ATG13: variants seen among roughly 807,000 people sequenced by gnomAD.
ATG13 encodes autophagy-related protein 13.
A neutral mutation model predicts 65.5 loss-of-function variants in ATG13; 23 were observed. The observed-to-expected ratio is 0.35, with a 90% CI of 0.25 to 0.50. The LOEUF (loss-of-function observed/expected upper bound fraction) is 0.50. Among genes scored for constraint, ATG13 ranks in the 20% least tolerant of loss-of-function variants. The pLI is 0.98. For missense variants in ATG13, 566 were observed against 677.0 expected (o/e 0.84, Z 1.82); for synonymous variants, 252 against 245.2 (o/e 1.03, Z -0.26).
chr11:46,662,563 T>C (rs1419713972), intron 11 of ATG13, among the ~76,000 whole-genome samples: 3 of 152,318 alleles, frequency 2.0e-5, no homozygotes, highest in African/African-American at 7.2e-5. Context: ...ACCAAATTCT[T>C]ATCAACAGTC....
intron 1 of ATG13, among the ~76,000 whole-genome samples, chr11:46,620,750 G>A (rs1358977625): frequency 6.6e-6 from 1 of 151,980 alleles, no homozygotes; most frequent in Non-Finnish European, 1.5e-5. Context: ...ATTCCAGCCT[G>A]GGCAACAAGA....
At chr11:46,628,082 CAAA>C (rs561371295) in intron 1 of ATG13, among the ~76,000 whole-genome samples, 10 of 52,342 alleles carry the variant, frequency 1.9e-4, no homozygotes, top group Admixed American at 4.4e-4. Flanking sequence ...GACCTTGTCT[CAAA>C]AAAAAAAAAA....
intron 10 of ATG13, among the ~76,000 whole-genome samples, chr11:46,658,945 T>C (rs1359985217): frequency 6.6e-6 from 1 of 152,218 alleles, no homozygotes; most frequent in East Asian, 1.9e-4. Flanking sequence ...ATCCTAGCAC[T>C]TTGGGAGGCT....
chr11:46,654,015 A>G (rs1226633221), intron 7 of ATG13, among the ~76,000 whole-genome samples: 1 of 151,732 alleles, frequency 6.6e-6, no homozygotes, highest in East Asian at 1.9e-4. Context: ...TGGCCTGTCC[A>G]GGGAGAATCA....
At chr11:46,624,347 A>G (rs1244534349) in intron 1 of ATG13, among the ~76,000 whole-genome samples, 1 of 152,230 alleles carries the variant, frequency 6.6e-6, no homozygotes, top group African/African-American at 2.4e-5. Flanking sequence ...TACCTAGTAT[A>G]CAGTTGGGTT....
chr11:46,634,026 G>A (rs1211644757), intron 2 of ATG13, among the ~76,000 whole-genome samples: 4 of 152,134 alleles, frequency 2.6e-5, no homozygotes, highest in Admixed American at 2.6e-4. Flanking sequence ...TTTGCTGAAA[G>A]TGTCAGCAGG....
chr11:46,655,261 C>G (rs1003864623), intron 7 of ATG13, among the ~76,000 whole-genome samples: 1 of 151,676 alleles, frequency 6.6e-6, no homozygotes, highest in Admixed American at 6.6e-5. Context: ...TAGCCGGGCG[C>G]GGTGGCGGAC....
chr11:46,648,158 C>T (rs1195172348), intron 5 of ATG13, among the ~76,000 whole-genome samples: 5 of 151,578 alleles, frequency 3.3e-5, no homozygotes, highest in African/African-American at 9.7e-5. Context: ...TGCAGTGGCA[C>T]GATCTTGGCT....
chr11:46,639,400 G>C (rs1292845119), intron 2 of ATG13, among the ~76,000 whole-genome samples: 3 of 152,180 alleles, frequency 2.0e-5, no homozygotes. Context: ...CTAGTTGCTA[G>C]AGATAGTCTG....
At chr11:46,667,085 G>A (rs1441672105) in intron 14 of ATG13, among the ~76,000 whole-genome samples, 1 of 152,162 alleles carries the variant, frequency 6.6e-6, no homozygotes, top group African/African-American at 2.4e-5. Flanking sequence ...AAAGACAGAG[G>A]CCCCTGTGTG....
At chr11:46,622,896 G>A (rs1402713309) in intron 1 of ATG13, among the ~76,000 whole-genome samples, 1 of 152,158 alleles carries the variant, frequency 6.6e-6, no homozygotes, top group Non-Finnish European at 1.5e-5. Context: ...AGATTTGGCT[G>A]TAGTGGACTG....
intron 2 of ATG13, among the ~76,000 whole-genome samples, chr11:46,634,512 A>G (rs868321452): frequency 6.9e-6 from 1 of 145,640 alleles, no homozygotes; most frequent in Admixed American, 6.9e-5. Flanking sequence ...GTCCTGACTC[A>G]GCCTCCTGAG....
chr11:46,670,249 A>T (rs989024789), intron 18 of ATG13, among the ~76,000 whole-genome samples: 1 of 150,460 alleles, frequency 6.6e-6, no homozygotes, highest in African/African-American at 2.5e-5. Flanking sequence ...TTGGGAGGCC[A>T]AGGCAGGCAG....
At chr11:46,629,226 A>G (rs2050807837) in intron 1 of ATG13, among the ~76,000 whole-genome samples, 1 of 151,842 alleles carries the variant, frequency 6.6e-6, no homozygotes, top group Non-Finnish European at 1.5e-5. Context: ...TACCGGTGTG[A>G]GCCACTGCAC....
intron 12 of ATG13, among the ~76,000 whole-genome samples, chr11:46,664,385 T>C (rs1281884914): frequency 1.3e-5 from 2 of 152,126 alleles, no homozygotes; most frequent in Non-Finnish European, 2.9e-5. Context: ...TCAATATAAA[T>C]AGCAACATTC....
chr11:46,669,516 C>A lies in ATG13; in HGVS notation c.1559C>A (p.Ser520Tyr). ...CTCTCCATAGATATTGGAGCACAGT[C>A]CATGGCTGAAGACTTGGTATGGAAA... ...SSLSIDIGAQ[S>Y]MAEDLDSLPE... The change falls in exon 18 of 19, where the codon TCC becomes TAC. Residue 520 changes from serine (S) to tyrosine (Y), a missense_variant. Coordinates refer to ENST00000683050, the MANE Select transcript of ATG13 (RefSeq NM_001346311.2). 1 of 1,614,064 alleles carries A rather than the reference C, an allele frequency of 6.2e-7. No individual in the cohort carries two copies. Among genetic ancestry groups the A allele is most frequent in the South Asian group, 1.1e-5 (1 of 91,070 alleles).
chr11:46,672,306 G>C lies in ATG13; in HGVS notation c.1627G>C (p.Asp543His). 1 of 1,614,252 alleles carries C rather than the reference G, an allele frequency of 6.2e-7. No homozygotes were observed. Among genetic ancestry groups the C allele is most frequent in the Non-Finnish European group, 8.5e-7 (1 of 1,180,040 alleles). The change falls in exon 19 of 19, where the codon GAT becomes CAT. Residue 543 changes from aspartate (D) to histidine (H), a missense_variant. Asp to His is a moderately conservative substitution (Grantham distance 81). Around this residue, in one of 2 missense-constraint regions of ATG13, gnomAD observed 387 missense variants for 409.8 expected, o/e 0.94. Coordinates refer to ENST00000683050, the MANE Select transcript of ATG13 (RefSeq NM_001346311.2). Reference sequence around the variant, plus strand: ...GCATGAGAAGAATGTCCGCGAGTTTGATGCCTTTGTGGAAACCCTGCAGTA... The same window carrying C: ...GCATGAGAAGAATGTCCGCGAGTTTCATGCCTTTGTGGAAACCCTGCAGTA... ...AVHEKNVREF[D>H]AFVETLQ
intron 6 of ATG13, 29 bp downstream of exon 6, chr11:46,649,212 T>C: frequency 6.2e-7 from 1 of 1,604,232 alleles, no homozygotes; most frequent in Non-Finnish European, 8.5e-7. Context: ...GGTCCTTGGT[T>C]GTGGTTGCTG....
intron 1 of ATG13, among the ~76,000 whole-genome samples, chr11:46,623,902 A>T (rs1019566528): frequency 6.6e-6 from 1 of 150,418 alleles, no homozygotes; most frequent in African/African-American, 2.5e-5. Flanking sequence ...TTTTTGCATT[A>T]TATTTACACA....
Sources: allele counts gnomAD v4.1 joint callset (sites outside exome capture counted in the v4.1 genomes callset), GRCh38; gene constraint gnomAD v4.1.1; regional missense constraint gnomAD v4.1.1; transcripts MANE v1.5; gene names NCBI Gene and HGNC (gene_info 2026-07-23, HGNC 2026-07-21).